The following CDK5RAP2 variants were observed in gnomAD, a reference collection of about 807,000 sequenced individuals.
CDK5RAP2 encodes CDK5 regulatory subunit associated protein 2.
CDK5RAP2 carries 147 observed loss-of-function variants against 232.9 expected under a neutral mutation model. That is an observed-to-expected ratio of 0.63 (90% CI 0.55 to 0.72). The LOEUF (loss-of-function observed/expected upper bound fraction) is 0.72, where lower values mean the gene tolerates loss of function less well. Ranked by LOEUF, CDK5RAP2 falls within the 30% of genes least tolerant of loss-of-function variation. CDK5RAP2 has a pLI of 0.00. For missense variants in CDK5RAP2, 2,195 were observed against 2,231.5 expected (o/e 0.98, Z 0.33); for synonymous variants, 833 against 833.7 (o/e 1.00, Z 0.01).
intron 1 of CDK5RAP2, among the ~76,000 whole-genome samples, chr9:120,572,834 T>C (rs543037466): frequency 1.3e-5 from 2 of 152,326 alleles, no homozygotes; most frequent in South Asian, 2.1e-4. Context: ...GAGCAAAATA[T>C]CATGTCGCCT....
intron 25 of CDK5RAP2, among the ~76,000 whole-genome samples, chr9:120,427,895 T>C (rs1413121933): frequency 6.6e-6 from 1 of 152,126 alleles, no homozygotes; most frequent in Non-Finnish European, 1.5e-5. Context: ...ACAGAAATTA[T>C]AACAAACTGT....
At chr9:120,555,629 A>C (rs1441232084) in intron 3 of CDK5RAP2, among the ~76,000 whole-genome samples, 1 of 152,158 alleles carries the variant, frequency 6.6e-6, no homozygotes, top group Non-Finnish European at 1.5e-5. Flanking sequence ...TGGCACAGAC[A>C]CTCTAGATAT....
chr9:120,419,685 G>A, intron 27 of CDK5RAP2, 103 bp downstream of exon 27: 1 of 904,276 alleles, frequency 1.1e-6, no homozygotes, highest in East Asian at 2.4e-5. Flanking sequence ...CCTTTCATCA[G>A]AGAAATACTC....
chr9:120,504,122 C>T (rs567307272), intron 12 of CDK5RAP2, among the ~76,000 whole-genome samples: 1 of 152,196 alleles, frequency 6.6e-6, no homozygotes, highest in South Asian at 2.1e-4. Flanking sequence ...ATTTCATATC[C>T]AGATAAGTGC....
chr9:120,567,393 A>G (rs2042685982), intron 3 of CDK5RAP2, among the ~76,000 whole-genome samples: 2 of 152,240 alleles, frequency 1.3e-5, no homozygotes, highest in Non-Finnish European at 2.9e-5. Flanking sequence ...AGAAAGAAAC[A>G]TAATTGTGGA....
chr9:120,499,204 A>G (rs931911258), intron 12 of CDK5RAP2, among the ~76,000 whole-genome samples: 2 of 152,254 alleles, frequency 1.3e-5, no homozygotes, highest in African/African-American at 2.4e-5. Context: ...CTGATAAAGT[A>G]GTATGTCTGG....
chr9:120,428,416 A>G (rs2035056608), intron 25 of CDK5RAP2, among the ~76,000 whole-genome samples: 1 of 152,266 alleles, frequency 6.6e-6, no homozygotes, highest in African/African-American at 2.4e-5. Flanking sequence ...AAAGAATGAT[A>G]AAGGGGATAT....
At chr9:120,524,484 T>C (rs2040811219) in intron 11 of CDK5RAP2, among the ~76,000 whole-genome samples, 2 of 151,852 alleles carry the variant, frequency 1.3e-5, no homozygotes, top group African/African-American at 4.8e-5. Context: ...CAAGTAAAAA[T>C]ACAAAAATTA....
chr9:120,470,251 A>T, intron 16 of CDK5RAP2, 31 bp from the exon 17 acceptor site: 1 of 1,055,946 alleles, frequency 9.5e-7, no homozygotes, highest in Admixed American at 2.3e-5. Flanking sequence ...AAAGGTGGGG[A>T]GGGGGAGGAG....
At chr9:120,393,676 G>C (rs2032204126) in intron 36 of CDK5RAP2, among the ~76,000 whole-genome samples, 1 of 152,228 alleles carries the variant, frequency 6.6e-6, no homozygotes, top group Admixed American at 6.5e-5. Flanking sequence ...GGGAGGGAGT[G>C]CTGAGGGTTT....
Position 120,447,922 on chromosome 9 carries a change from G to C in CDK5RAP2, c.2998C>G (p.Pro1000Ala). ...ILAEAVMEGRPTPDKTLLNAQ... is the reference protein window; with the variant it reads ...ILAEAVMEGRATPDKTLLNAQ... ...TTCAGCAACGTTTTGTCGGGCGTTG[G>C]CCTCCCCTCCATCACTGCTTCAGCC... is the stretch of plus-strand genomic sequence containing the variant. Residue 1000 changes from proline (P) to alanine (A), a missense_variant, in exon 22 of 38, where the codon CCA becomes GCA. Transcript: ENST00000349780. The C allele has an allele frequency of 3.1e-6, 5 of 1,614,092 alleles. No homozygotes were observed. Among genetic ancestry groups the C allele is most frequent in the Non-Finnish European group, 3.4e-6 (4 of 1,179,970 alleles).
chr9:120,539,208 C>A, intron 5 of CDK5RAP2, 44 bp from the exon 6 acceptor site: 1 of 1,612,516 alleles, frequency 6.2e-7, no homozygotes, highest in South Asian at 1.1e-5. Context: ...GGGTGATGGT[C>A]TGATGGTTAT....
chr9:120,568,403 A>G lies in CDK5RAP2; in HGVS notation c.128-15T>C, dbSNP rs1176734073. ...ATTTGGGAGCACTGTAAAAAGGTAA[A>G]ATAGAGGAAAACGTCACAGCATGCA... On this transcript the variant is annotated splice_polypyrimidine_tract_variant and intron_variant, in intron 2 of 37. Coordinates refer to ENST00000349780, the MANE Select transcript of CDK5RAP2 (RefSeq NM_018249.6). The G allele has an allele frequency of 6.3e-7, 1 of 1,596,212 alleles. No homozygotes were observed. Among genetic ancestry groups the G allele is most frequent in the South Asian group, 1.1e-5 (1 of 90,728 alleles).
chr9:120,440,295 G>A, intron 23 of CDK5RAP2: 1 of 365,814 alleles, frequency 2.7e-6, no homozygotes, highest in Non-Finnish European at 5.2e-6. Flanking sequence ...ATCTACATGA[G>A]ACCTTCCATG....
intron 20 of CDK5RAP2, among the ~76,000 whole-genome samples, chr9:120,455,264 G>C (rs2131416364): frequency 6.6e-6 from 1 of 151,918 alleles, no homozygotes; most frequent in East Asian, 1.9e-4. Flanking sequence ...GAGAGGAAAT[G>C]GAACAGTCTA....
At chr9:120,573,047 A>G (rs768788022) in intron 1 of CDK5RAP2, among the ~76,000 whole-genome samples, 1 of 152,162 alleles carries the variant, frequency 6.6e-6, no homozygotes, top group Non-Finnish European at 1.5e-5. Context: ...ATACTTCCCT[A>G]TCCCACACTG....
chr9:120,516,305 G>C (rs2040335387), intron 12 of CDK5RAP2, among the ~76,000 whole-genome samples: 1 of 138,802 alleles, frequency 7.2e-6, no homozygotes, highest in African/African-American at 2.7e-5. Flanking sequence ...TGATAGGTGG[G>C]AATTGAATAG....
chr9:120,409,226 T>C lies in CDK5RAP2; in HGVS notation c.4505A>G (p.Lys1502Arg). 1 of 1,614,182 alleles carries C rather than the reference T, an allele frequency of 6.2e-7. No individual in the cohort carries two copies. The highest frequency in any genetic ancestry group is 8.5e-7 in the Non-Finnish European group (1 of 1,180,030). The change falls in exon 30 of 38, where the codon AAG becomes AGG. Residue 1502 changes from lysine (K) to arginine (R), a missense_variant. By Grantham distance (26) the Lys-to-Arg change is conservative. Coordinates refer to ENST00000349780, the MANE Select transcript of CDK5RAP2 (RefSeq NM_018249.6). ...EHLQREYASV[K>R]EENERLQKEG... ...TTTCTGCAGCCTTTCATTTTCTTCC[T>C]TCACGCTGGCATACTCCCGCTGAAG...
At chr9:120,563,779 A>G (rs1400686837) in intron 3 of CDK5RAP2, among the ~76,000 whole-genome samples, 2 of 152,214 alleles carry the variant, frequency 1.3e-5, no homozygotes, top group Non-Finnish European at 2.9e-5. Flanking sequence ...GGGAGCTATG[A>G]TCTGGCAGTA....
Sources: gnomAD v4.1 joint callset for allele counts (sites outside exome capture counted in the v4.1 genomes callset) on GRCh38, gnomAD v4.1.1 for gene constraint, MANE v1.5 for transcripts, NCBI Gene and HGNC (gene_info 2026-07-23, HGNC 2026-07-21) for gene names.